Variants in NEK4 observed in about 807,000 individuals in gnomAD.
NEK4 encodes the protein NIMA related kinase 4.
Under a neutral mutation model 98.4 loss-of-function variants are expected in NEK4, and 86 were observed. The ratio of observed to expected loss-of-function variants is 0.87; its 90% confidence interval spans 0.73 to 1.05. The LOEUF (loss-of-function observed/expected upper bound fraction) is 1.05, where lower values mean the gene tolerates loss of function less well. NEK4 is among the 50% of genes least tolerant of loss of function. NEK4 has a pLI of 0.00. For synonymous variants in NEK4, 328 were observed against 342.2 expected (o/e 0.96, Z 0.46); for missense variants, 898 against 950.3 (o/e 0.94, Z 0.72).
chr3:52,746,574 C>T (rs1169089639), intron 9 of NEK4, among the ~76,000 whole-genome samples, 160 bp downstream of exon 9: 3 of 152,226 alleles, frequency 2.0e-5, no homozygotes, highest in Non-Finnish European at 4.4e-5. Flanking sequence ...GCTTCGAACT[C>T]ACTGATATTT....
intron 12 of NEK4, among the ~76,000 whole-genome samples, chr3:52,741,968 C>G (rs2097387091): frequency 6.6e-6 from 1 of 151,908 alleles, no homozygotes; most frequent in Non-Finnish European, 1.5e-5. Flanking sequence ...TTAGTAGAGA[C>G]AGGGTTTCAC....
chr3:52,754,023 T>G (rs1326651832), intron 6 of NEK4: 1 of 261,866 alleles, frequency 3.8e-6, no homozygotes, highest in East Asian at 1.1e-4. Context: ...AATTTGCTGG[T>G]GTGGTGCCAC....
In NEK4 at chr3:52,770,777, G is replaced by A. The variant is rs1698754431; in HGVS notation, c.-31C>T. The stretch of plus-strand genomic sequence containing the variant: ...CAGCGCTGGCCCAGAGTCGGGATGC[G>A]GCGGCAGCGGCGGGTAGGGCAGCGG... On this transcript the variant is annotated 5_prime_UTR_variant, in exon 1 of 16. Transcript: ENST00000233027. The A allele has an allele frequency of 2.0e-6, 3 of 1,533,562 alleles. No individual in the cohort carries two copies. Among genetic ancestry groups the A allele is most frequent in the East Asian group, 4.9e-5 (2 of 40,974 alleles). 95.0% of individuals were successfully genotyped at this position (1,533,562 alleles called of 1,614,324 possible).
In NEK4 at chr3:52,724,232, A is replaced by AACACACACACACACACACACACAC. The variant is rs10528307; in HGVS notation, c.2434-12387_2434-12364dup. 5.2e-3 allele frequency among the ~76,000 whole-genome samples: 760 copies of AACACACACACACACACACACACAC among 145,266 alleles called. 7 individuals carry two copies. The highest frequency in any genetic ancestry group is 0.013 in the African/African-American group (514 of 38,476). On this transcript the variant is annotated intron_variant, in intron 15 of 15. Transcript: ENST00000233027. ...TGGGGACAGTGAGACTTTGTCTTAA[A>AACACACACACACACACACACACAC]ACACACACACACACACACACACACA...
At chr3:52,722,474 A>C (rs1427314457) in intron 15 of NEK4, among the ~76,000 whole-genome samples, 2 of 152,186 alleles carry the variant, frequency 1.3e-5, no homozygotes, top group African/African-American at 4.8e-5. Flanking sequence ...TTATCACATG[A>C]TAAAAACTCA....
intron 15 of NEK4, among the ~76,000 whole-genome samples, chr3:52,730,005 G>A (rs529782540): frequency 4.5e-4 from 69 of 152,326 alleles, no homozygotes; most frequent in African/African-American, 1.6e-3. Context: ...CTACTCGGGA[G>A]CCTGAGGCAG....
At chr3:52,763,094 C>G (rs973918824) in intron 5 of NEK4, among the ~76,000 whole-genome samples, 3 of 152,280 alleles carry the variant, frequency 2.0e-5, no homozygotes, top group African/African-American at 7.2e-5. Context: ...TTTAGCCTCT[C>G]CACCTAGTTT....
intron 7 of NEK4, among the ~76,000 whole-genome samples, 194 bp from the exon 8 acceptor site, chr3:52,750,023 G>A (rs571122648): frequency 1.1e-4 from 16 of 152,156 alleles, no homozygotes; most frequent in Non-Finnish European, 2.2e-4. Flanking sequence ...TGGTTGTTTT[G>A]GAAAACAATT....
At chr3:52,751,910 C>T in intron 7 of NEK4, 22 bp downstream of exon 7, 1 of 1,593,512 alleles carries the variant, frequency 6.3e-7, no homozygotes, top group Non-Finnish European at 8.6e-7. Flanking sequence ...AAACCAGTAT[C>T]TCATGTGTGC....
intron 10 of NEK4, among the ~76,000 whole-genome samples, chr3:52,745,442 G>A (rs2097394366): frequency 6.6e-6 from 1 of 151,984 alleles, no homozygotes; most frequent in Admixed American, 6.6e-5. Context: ...AGCCGAGCAT[G>A]GTGGCTGGCA....
Position 52,770,935 on chromosome 3 carries a change from A to G in NEK4, c.-189T>C. 1 of 597,052 alleles carries G rather than the reference A, an allele frequency of 1.7e-6. No individual in the cohort carries two copies. The highest frequency in any genetic ancestry group is 3.0e-6 in the Non-Finnish European group (1 of 338,616). 37.0% of individuals were successfully genotyped at this position (597,052 alleles called of 1,614,324 possible). On this transcript the variant is annotated 5_prime_UTR_variant, in exon 1 of 16. Coordinates refer to ENST00000233027, the MANE Select transcript of NEK4 (RefSeq NM_003157.6). ...TGCCATAGCGATCCGGGCCGGGAGC[A>G]GTTCTGCGCATGCTCCTGCGTCCCC...
intron 12 of NEK4, among the ~76,000 whole-genome samples, chr3:52,743,074 T>C (rs555203679): frequency 6.6e-6 from 1 of 152,250 alleles, no homozygotes; most frequent in Non-Finnish European, 1.5e-5. Context: ...CGTGAGCCAC[T>C]GCATCAGGCC....
At chr3:52,757,485 G>A (rs1483680871) in intron 6 of NEK4, among the ~76,000 whole-genome samples, 1 of 151,688 alleles carries the variant, frequency 6.6e-6, no homozygotes, top group Non-Finnish European at 1.5e-5. Flanking sequence ...TTGAACCTGG[G>A]AGGTGGAGGT....
chr3:52,769,341 C>T (rs1034715897), intron 1 of NEK4, among the ~76,000 whole-genome samples: 1 of 152,196 alleles, frequency 6.6e-6, no homozygotes, highest in African/African-American at 2.4e-5. Context: ...ACGTTAGATA[C>T]TCAAAGGGAT....
intron 13 of NEK4, 47 bp downstream of exon 13, chr3:52,741,364 T>G (rs750573750): frequency 3.6e-6 from 4 of 1,119,032 alleles, no homozygotes; most frequent in Non-Finnish European, 1.4e-6. Context: ...TAATATTCAT[T>G]AAAACAGAAA....
At chr3:52,739,875 C>T (rs1462060174) in intron 13 of NEK4, among the ~76,000 whole-genome samples, 1 of 152,156 alleles carries the variant, frequency 6.6e-6, no homozygotes, top group Non-Finnish European at 1.5e-5. Context: ...GAAGAGTCAA[C>T]ACCTTTAAGC....
chr3:52,749,408 C>T (rs1045702749), intron 8 of NEK4, among the ~76,000 whole-genome samples: 3 of 150,802 alleles, frequency 2.0e-5, no homozygotes, highest in Non-Finnish European at 4.4e-5. Flanking sequence ...GCTGGGATTA[C>T]AGGCGTGAGC....
intron 5 of NEK4, 48 bp downstream of exon 5, chr3:52,763,422 T>C: frequency 6.5e-7 from 1 of 1,547,548 alleles, no homozygotes; most frequent in African/African-American, 1.4e-5. Context: ...AGCCACCCTC[T>C]TTCACCCCAT....
chr3:52,731,028 A>G (rs1293597860), intron 15 of NEK4, among the ~76,000 whole-genome samples: 1 of 152,192 alleles, frequency 6.6e-6, no homozygotes, highest in African/African-American at 2.4e-5. Flanking sequence ...AAATGGCTAA[A>G]ATGGTATATT....
Sources: gnomAD v4.1 joint callset for allele counts (sites outside exome capture counted in the v4.1 genomes callset) on GRCh38, gnomAD v4.1.1 for gene constraint, MANE v1.5 for transcripts, NCBI Gene and HGNC (gene_info 2026-07-23, HGNC 2026-07-21) for gene names.